FCHO2: variants seen among roughly 807,000 people sequenced by gnomAD.
FCHO2 encodes the protein FCH and mu domain containing endocytic adaptor 2, also known as F-BAR domain only protein 2.
In FCHO2, 43 loss-of-function variants were observed where a neutral mutation model predicts 114.1. The ratio of observed to expected loss-of-function variants is 0.38; its 90% CI spans 0.30 to 0.49. FCHO2 has a LOEUF of 0.49. Ranked by LOEUF, FCHO2 falls within the 20% of genes least tolerant of loss-of-function variation. FCHO2 has a pLI of 0.97. For synonymous variants in FCHO2, 293 were observed against 315.2 expected (o/e 0.93, Z 0.75); for missense variants, 807 against 950.4 (o/e 0.85, Z 1.98).
At chr5:72,974,772 T>C (rs986976932) in intron 2 of FCHO2, among the ~76,000 whole-genome samples, 2 of 152,162 alleles carry the variant, frequency 1.3e-5, no homozygotes, top group African/African-American at 4.8e-5. Flanking sequence ...ATTTTGCTCG[T>C]TAGTTGATGC....
intron 2 of FCHO2, among the ~76,000 whole-genome samples, chr5:72,986,147 A>G (rs1364101014): frequency 6.6e-6 from 1 of 151,740 alleles, no homozygotes; most frequent in Non-Finnish European, 1.5e-5. Flanking sequence ...TTTTTATGGT[A>G]TAAATCTCAA....
intron 18 of FCHO2, among the ~76,000 whole-genome samples, chr5:73,064,197 A>C (rs1757965393): frequency 6.6e-6 from 1 of 152,100 alleles, no homozygotes; most frequent in Non-Finnish European, 1.5e-5. Flanking sequence ...AATACCATTC[A>C]GTATCCATTG....
chr5:73,012,915 TA>T (rs1337876383), intron 6 of FCHO2, among the ~76,000 whole-genome samples: 1 of 152,184 alleles, frequency 6.6e-6, no homozygotes, highest in Non-Finnish European at 1.5e-5. Flanking sequence ...TATTTCTAAA[TA>T]AATAAAGATC....
chr5:72,972,768 C>T (rs960298744), intron 2 of FCHO2, among the ~76,000 whole-genome samples: 1 of 152,122 alleles, frequency 6.6e-6, no homozygotes, highest in Admixed American at 6.6e-5. Flanking sequence ...GAGGGCATCC[C>T]TGTCTTGTGC....
intron 18 of FCHO2, among the ~76,000 whole-genome samples, chr5:73,064,581 C>T (rs1757980562): frequency 6.6e-6 from 1 of 151,976 alleles, no homozygotes; most frequent in South Asian, 2.1e-4. Flanking sequence ...ATCTTTTTTC[C>T]CTTGATACAC....
At chr5:73,076,903 G>C (rs945532389) in intron 20 of FCHO2, among the ~76,000 whole-genome samples, 5 of 152,160 alleles carry the variant, frequency 3.3e-5, no homozygotes, top group African/African-American at 1.2e-4. Flanking sequence ...AAGGAAGAAA[G>C]AATAGAGGGT....
intron 5 of FCHO2, among the ~76,000 whole-genome samples, chr5:72,995,024 T>C (rs1754008919): frequency 6.6e-6 from 1 of 152,106 alleles, no homozygotes; most frequent in Admixed American, 6.5e-5. Flanking sequence ...CTGTGCTTAT[T>C]ACCTGGATGA....
chr5:73,006,350 A>G (rs1754713536), intron 5 of FCHO2, 95 bp from the exon 6 acceptor site: 1 of 736,064 alleles, frequency 1.4e-6, no homozygotes, highest in African/African-American at 1.9e-5. Context: ...TTGAACTCTT[A>G]AAATGTATTT....
intron 22 of FCHO2, among the ~76,000 whole-genome samples, chr5:73,079,531 G>T (rs1743025476): frequency 6.6e-6 from 1 of 152,228 alleles, no homozygotes; most frequent in South Asian, 2.1e-4. Flanking sequence ...AAATTAAGGT[G>T]AATCCCTGTT....
At chr5:73,005,109 C>T (rs1754646860) in intron 5 of FCHO2, among the ~76,000 whole-genome samples, 1 of 152,066 alleles carries the variant, frequency 6.6e-6, no homozygotes, top group Admixed American at 6.6e-5. Context: ...TTTAAGAAGG[C>T]AGGAAAGTAC....
chr5:73,044,641 G>A (rs1222677927), intron 11 of FCHO2, among the ~76,000 whole-genome samples: 2 of 151,922 alleles, frequency 1.3e-5, no homozygotes, highest in Middle Eastern at 3.2e-3. Flanking sequence ...TCTTTTGAAA[G>A]TTGGCCAAGG....
chr5:73,078,300 A>G lies in FCHO2; in HGVS notation c.1968A>G (p.Val656=). The change falls in exon 22 of 26, where the codon GTA becomes GTG. Residue 656 remains valine, a synonymous_variant. Coordinates refer to ENST00000430046, the MANE Select transcript of FCHO2 (RefSeq NM_138782.3). ...CTGCTTCTTATTATAATGTAGATGTATTAAAGTATCAGGTGAGTGTCACGA... is the reference window on the plus strand; with the variant it reads ...CTGCTTCTTATTATAATGTAGATGTGTTAAAGTATCAGGTGAGTGTCACGA... The part of the protein sequence containing the change: ...NPAASYYNVD[V]LKYQVSSNGI... 1 of 1,600,146 alleles carries G rather than the reference A, an allele frequency of 6.2e-7. No individual in the cohort carries two copies. The highest frequency in any genetic ancestry group is 8.5e-7 in the Non-Finnish European group (1 of 1,174,418).
intron 17 of FCHO2, among the ~76,000 whole-genome samples, chr5:73,059,392 T>C (rs1757747381): frequency 6.6e-6 from 1 of 152,026 alleles, no homozygotes; most frequent in African/African-American, 2.4e-5. Context: ...ATGAAAAAAG[T>C]AAAGCTCAGA....
intron 7 of FCHO2, among the ~76,000 whole-genome samples, chr5:73,016,854 C>G (rs1020615543): frequency 2.5e-4 from 38 of 151,990 alleles, no homozygotes; most frequent in African/African-American, 2.4e-5. Flanking sequence ...CCGTGACACC[C>G]AGCCATCTGG....
chr5:72,974,669 T>A (rs1000383984), intron 2 of FCHO2, among the ~76,000 whole-genome samples: 1 of 152,168 alleles, frequency 6.6e-6, no homozygotes, highest in Non-Finnish European at 1.5e-5. Flanking sequence ...TTTGCCAGTC[T>A]GTGTCTTTTA....
At chr5:73,050,293 G>GCTATCTAT (rs201009329) in intron 11 of FCHO2, among the ~76,000 whole-genome samples, 2 of 137,284 alleles carry the variant, frequency 1.5e-5, no homozygotes, top group East Asian at 4.2e-4. Flanking sequence ...TTAGCTTTCT[G>GCTATCTAT]CTATTTATTT....
chr5:72,965,040 A>C (rs1403510686), intron 1 of FCHO2, among the ~76,000 whole-genome samples: 1 of 151,774 alleles, frequency 6.6e-6, no homozygotes, highest in Non-Finnish European at 1.5e-5. Context: ...GTTCATGACC[A>C]GTATATAAAG....
chr5:72,971,488 A>C (rs1224523651), intron 2 of FCHO2, among the ~76,000 whole-genome samples: 1 of 152,232 alleles, frequency 6.6e-6, no homozygotes, highest in Non-Finnish European at 1.5e-5. Flanking sequence ...TTTTGGCTGC[A>C]TAAATGTCTT....
chr5:72,963,920 T>G (rs1418995755), intron 1 of FCHO2, among the ~76,000 whole-genome samples: 1 of 147,122 alleles, frequency 6.8e-6, no homozygotes, highest in African/African-American at 2.5e-5. Context: ...TTTTTTTTTT[T>G]TTTTTTTTTG....
Sources: gnomAD v4.1 joint callset for allele counts (sites outside exome capture counted in the v4.1 genomes callset) on GRCh38, gnomAD v4.1.1 for gene constraint, MANE v1.5 for transcripts, NCBI Gene and HGNC (gene_info 2026-07-23, HGNC 2026-07-21) for gene names.